The following KCNG2 variants were observed in gnomAD, a reference collection of about 807,000 sequenced individuals.
The protein encoded by KCNG2 is voltage-gated potassium channel regulatory subunit KCNG2.
In KCNG2, 7 loss-of-function variants were observed where a neutral mutation model predicts 12.3. The ratio of observed to expected loss-of-function variants is 0.57; its 90% CI spans 0.32 to 1.07. The LOEUF is 1.07. Among genes scored for constraint, KCNG2 ranks in the 50% least tolerant of loss-of-function variants. The pLI is 0.04. For synonymous variants in KCNG2, 414 were observed against 351.4 expected, an observed-to-expected ratio of 1.18 and a Z score of -1.99; for missense variants, 703 against 726.0, an observed-to-expected ratio of 0.97 and a Z score of 0.36.
At chr18:79,845,251 C>A (rs576560369) in intron 1 of KCNG2, among the ~76,000 whole-genome samples, 1 of 152,130 alleles carries the variant, frequency 6.6e-6, no homozygotes, top group South Asian at 2.1e-4. Flanking sequence ...TGAACAGTTT[C>A]CAGGGGTTCA....
At position 79,819,642 on chromosome 18, in the gene KCNG2, G is replaced by C. The variant is rs528904852; in HGVS notation, c.-115+21628G>C. Among the ~76,000 whole-genome samples the C allele has an allele frequency of 1.2e-3, 184 of 152,390 alleles. 1 individual carries two copies. Among genetic ancestry groups the C allele is most frequent in the Non-Finnish European group, 1.9e-3 (128 of 68,042 alleles). ...AGGACCCGGCCAGGCCTCACAGCCAGCAGGCTGCAATAGAGGCCGTCCACC... is the reference window on the plus strand; with the variant it reads ...AGGACCCGGCCAGGCCTCACAGCCACCAGGCTGCAATAGAGGCCGTCCACC... On this transcript the variant is annotated intron_variant, in intron 1 of 3. Coordinates refer to ENST00000316249, the MANE Select transcript of KCNG2 (RefSeq NM_012283.2).
At chr18:79,835,425 A>G (rs1978318393) in intron 1 of KCNG2, among the ~76,000 whole-genome samples, 2 of 152,254 alleles carry the variant, frequency 1.3e-5, no homozygotes, top group Non-Finnish European at 2.9e-5. Context: ...ACTTCAGTGG[A>G]CAATTACAAA....
intron 1 of KCNG2, among the ~76,000 whole-genome samples, chr18:79,839,562 T>TG (rs879338295): frequency 1.1e-4 from 16 of 152,208 alleles, no homozygotes; most frequent in Non-Finnish European, 2.2e-4. Flanking sequence ...GTTAATAAAC[T>TG]TGAATTTGTA....
chr18:79,857,885 G>C (rs745632059), intron 2 of KCNG2, among the ~76,000 whole-genome samples: 8 of 151,874 alleles, frequency 5.3e-5, no homozygotes, highest in Non-Finnish European at 1.2e-4. Flanking sequence ...ACTTTTCATC[G>C]TCCCAAAAGA....
Position 79,899,374 on chromosome 18 carries a change from G to T in KCNG2, c.959G>T (p.Arg320Leu). ...GGCCTGACCATGCGCCGCTGCGCGC[G>T]CGAGTTCGGGCTGCTGCTGCTGTTC... ...SLGLTMRRCA[R>L]EFGLLLLFLC... The change falls in exon 4 of 4, where the codon CGC becomes CTC. Residue 320 changes from arginine (R) to leucine (L), a missense_variant. Physicochemically the swap from Arg to Leu is moderately radical, Grantham distance 102 (BLOSUM62 -2). Transcript: ENST00000316249. 1 of 1,559,734 alleles carries T rather than the reference G, an allele frequency of 6.4e-7. No homozygotes were observed. Among genetic ancestry groups the T allele is most frequent in the Non-Finnish European group, 8.6e-7 (1 of 1,158,938 alleles).
intron 1 of KCNG2, among the ~76,000 whole-genome samples, chr18:79,850,436 C>G (rs1276204631): frequency 6.6e-6 from 1 of 152,158 alleles, no homozygotes; most frequent in Non-Finnish European, 1.5e-5. Context: ...TTTCTTAAGT[C>G]AATTCTAGTA....
At chr18:79,872,051 C>T (rs1035746562) in intron 3 of KCNG2, among the ~76,000 whole-genome samples, 3 of 152,168 alleles carry the variant, frequency 2.0e-5, no homozygotes, top group African/African-American at 4.8e-5. Context: ...GCCCTTGGCA[C>T]CCCTGTGGAG....
At chr18:79,876,785 C>T (rs1163466971) in intron 3 of KCNG2, among the ~76,000 whole-genome samples, 9 of 152,248 alleles carry the variant, frequency 5.9e-5, no homozygotes, top group Admixed American at 2.0e-4. Context: ...CCACCAACTC[C>T]GTGTCCTTCT....
intron 1 of KCNG2, among the ~76,000 whole-genome samples, chr18:79,799,927 C>A (rs1317042680): frequency 1.3e-5 from 2 of 152,206 alleles, no homozygotes; most frequent in East Asian, 3.9e-4. Flanking sequence ...AGGAACAGGC[C>A]GGTCAGAAAC....
At chr18:79,845,492 G>C (rs1485799399) in intron 1 of KCNG2, among the ~76,000 whole-genome samples, 1 of 152,202 alleles carries the variant, frequency 6.6e-6, no homozygotes, top group Non-Finnish European at 1.5e-5. Context: ...ATTTGATTTT[G>C]AAACTTTTTG....
chr18:79,812,364 A>G (rs2087499021), intron 1 of KCNG2, among the ~76,000 whole-genome samples: 1 of 152,210 alleles, frequency 6.6e-6, no homozygotes, highest in Non-Finnish European at 1.5e-5. Context: ...ATGTTACAAA[A>G]TTGAATTAAT....
At chr18:79,864,845 A>C (rs1461339451) in intron 3 of KCNG2, among the ~76,000 whole-genome samples, 1 of 129,054 alleles carries the variant, frequency 7.7e-6, no homozygotes, top group African/African-American at 3.3e-5. Context: ...CTGTGTGCTG[A>C]GAAGTCTGGG....
At chr18:79,870,457 G>A (rs1979785498) in intron 3 of KCNG2, among the ~76,000 whole-genome samples, 1 of 152,096 alleles carries the variant, frequency 6.6e-6, no homozygotes, top group South Asian at 2.1e-4. Context: ...AGGGATGGGT[G>A]GTGGCAGTTT....
At chr18:79,857,751 A>G (rs1281671052) in intron 2 of KCNG2, among the ~76,000 whole-genome samples, 1 of 151,638 alleles carries the variant, frequency 6.6e-6, no homozygotes, top group Non-Finnish European at 1.5e-5. Context: ...ACTCACTCAG[A>G]ATGATTTTTA....
rs578061759 is a variant in KCNG2, at chr18:79,843,710, G to GA, written c.-114-12662dup. On this transcript the variant is annotated intron_variant, in intron 1 of 3. Coordinates refer to ENST00000316249, the MANE Select transcript of KCNG2 (RefSeq NM_012283.2). Reference sequence around the variant, plus strand: ...ATGTATGCCTCATGGTAACTAAAAAGAAAAAAATTGTAATAGATACACAAA... The same window carrying GA: ...ATGTATGCCTCATGGTAACTAAAAAGAAAAAAAATTGTAATAGATACACAAA... Among the ~76,000 whole-genome samples, 13 of 148,828 alleles carry GA rather than the reference G, an allele frequency of 8.7e-5. No individual in the cohort carries two copies. In the South Asian group the frequency reaches 1.9e-3, roughly 21 times the overall value.
At chr18:79,863,547 C>G in intron 2 of KCNG2, 81 bp from the exon 3 acceptor site, 1 of 1,070,410 alleles carries the variant, frequency 9.3e-7, no homozygotes, top group Non-Finnish European at 1.2e-6. Flanking sequence ...TCGGTGCCGG[C>G]CCGGCCCCTG....
At chr18:79,888,409 GTCC>G (rs1461645803) in intron 3 of KCNG2, among the ~76,000 whole-genome samples, 11 of 150,726 alleles carry the variant, frequency 7.3e-5, no homozygotes, top group South Asian at 4.3e-4. Flanking sequence ...GGACGGCGGC[GTCC>G]TCCTCATGAG....
At chr18:79,809,666 G>A (rs1568241995) in intron 1 of KCNG2, among the ~76,000 whole-genome samples, 3 of 151,456 alleles carry the variant, frequency 2.0e-5, no homozygotes, top group South Asian at 4.2e-4. Flanking sequence ...ACCACGTTCC[G>A]GGTGCCCAGC....
chr18:79,846,524 C>T (rs1451586774), intron 1 of KCNG2, among the ~76,000 whole-genome samples: 1 of 151,848 alleles, frequency 6.6e-6, no homozygotes, highest in African/African-American at 2.4e-5. Flanking sequence ...TAATATTACT[C>T]ATCTTTAGTT....
Sources: allele counts gnomAD v4.1 joint callset (sites outside exome capture counted in the v4.1 genomes callset), GRCh38; gene constraint gnomAD v4.1.1; transcripts MANE v1.5; gene names NCBI Gene and HGNC (gene_info 2026-07-23, HGNC 2026-07-21).